The following RRM1 variants were observed in gnomAD, a reference collection of about 807,000 sequenced individuals.
The protein encoded by RRM1 is ribonucleoside-diphosphate reductase large subunit.
A neutral mutation model predicts 101.5 loss-of-function variants in RRM1; 19 were observed. The observed-to-expected ratio is 0.19, with a 90% CI of 0.13 to 0.27. The LOEUF (loss-of-function observed/expected upper bound fraction) is 0.27, where lower values mean the gene tolerates loss of function less well. Ranked by LOEUF, RRM1 falls within the 10% of genes least tolerant of loss-of-function variation. The probability of loss-of-function intolerance (pLI) is 1.00; values close to 1 mark genes in which losing one functional copy is unlikely to be tolerated. For missense variants in RRM1, 500 were observed against 962.9 expected (o/e 0.52, Z 6.36); for synonymous variants, 298 against 323.4 (o/e 0.92, Z 0.84).
At position 4,106,075 on chromosome 11, in the gene RRM1, C is replaced by T; in HGVS notation, c.138C>T (p.Gly46=). 1 of 1,613,638 alleles carries T rather than the reference C, an allele frequency of 6.2e-7. No individual in the cohort carries two copies. Among genetic ancestry groups the T allele is most frequent in the Non-Finnish European group, 8.5e-7 (1 of 1,179,840 alleles). Residue 46 remains glycine (G), a synonymous_variant, in exon 3 of 19, where the codon GGC becomes GGT. Transcript: ENST00000300738. ...AGATCACCATGAAAGTAATCCAAGGCTTGTACAGTGGGGTCACCACAGTGG... is the reference window on the plus strand; with the variant it reads ...AGATCACCATGAAAGTAATCCAAGGTTTGTACAGTGGGGTCACCACAGTGG... ...PAQITMKVIQ[G]LYSGVTTVEL...
chr11:4,096,491 A>AGGT (rs1263550388), intron 1 of RRM1, among the ~76,000 whole-genome samples: 1 of 152,244 alleles, frequency 6.6e-6, no homozygotes, highest in Non-Finnish European at 1.5e-5. Context: ...AGAGTTGGAA[A>AGGT]GGTGGACAGT....
chr11:4,096,583 A>G (rs2094543809), intron 1 of RRM1, among the ~76,000 whole-genome samples: 1 of 152,220 alleles, frequency 6.6e-6, no homozygotes, highest in Non-Finnish European at 1.5e-5. Context: ...CCAAAGAGCA[A>G]AATAACATAG....
chr11:4,113,279 C>T (rs1057282703), intron 7 of RRM1, among the ~76,000 whole-genome samples: 1 of 152,108 alleles, frequency 6.6e-6, no homozygotes, highest in Admixed American at 6.6e-5. Flanking sequence ...AAAATAACTT[C>T]CTTAATTTGG....
chr11:4,135,073 C>T lies in RRM1; in HGVS notation c.2002-9C>T, dbSNP rs372011410. ...GGAGTAAAGTAAACATTGGGTTTTC[C>T]TTCTTTAGAGCATACCAGAAATTCC... On this transcript the variant is annotated splice_polypyrimidine_tract_variant and intron_variant, in intron 17 of 18. Transcript: ENST00000300738. The T allele has an allele frequency of 7.8e-5, 124 of 1,587,642 alleles. No homozygotes were observed. Among genetic ancestry groups the T allele is most frequent in the Non-Finnish European group, 1.0e-4 (120 of 1,163,830 alleles).
At chr11:4,135,008 G>A (rs2094606644) in intron 17 of RRM1, 74 bp from the exon 18 acceptor site, 1 of 1,110,502 alleles carries the variant, frequency 9.0e-7, no homozygotes, top group Non-Finnish European at 1.3e-6. Context: ...ATCAAAGCTT[G>A]TGTCACTATT....
intron 3 of RRM1, among the ~76,000 whole-genome samples, chr11:4,106,600 T>A (rs1405646333): frequency 1.3e-5 from 2 of 151,862 alleles, no homozygotes; most frequent in Admixed American, 6.6e-5. Flanking sequence ...TACAAAAAAT[T>A]AGCTGGGCGT....
At chr11:4,127,909 G>T (rs890708559) in intron 14 of RRM1, among the ~76,000 whole-genome samples, 1 of 152,128 alleles carries the variant, frequency 6.6e-6, no homozygotes, top group Non-Finnish European at 1.5e-5. Context: ...GCTTAGCTGG[G>T]CCTTCTTTTC....
chr11:4,101,800 T>C (rs2094551796), intron 1 of RRM1, 193 bp from the exon 2 acceptor site: 5 of 566,504 alleles, frequency 8.8e-6, no homozygotes, highest in African/African-American at 5.7e-5. Context: ...CTGTATAGAA[T>C]TCATACTCTT....
intron 5 of RRM1, 101 bp from the exon 6 acceptor site, chr11:4,111,500 A>G: frequency 7.6e-6 from 5 of 654,002 alleles, no homozygotes; most frequent in Non-Finnish European, 1.3e-5. Flanking sequence ...ATTTTATAGA[A>G]ACGGCGAAGA....
intron 14 of RRM1, among the ~76,000 whole-genome samples, chr11:4,127,866 T>C (rs2094592398): frequency 6.6e-6 from 1 of 152,362 alleles, no homozygotes; most frequent in Admixed American, 6.5e-5. Context: ...ATTCGTTATC[T>C]CACAGTTTCC....
intron 18 of RRM1, among the ~76,000 whole-genome samples, chr11:4,136,819 G>A (rs1427762454): frequency 6.6e-6 from 1 of 151,640 alleles, no homozygotes; most frequent in Non-Finnish European, 1.5e-5. Context: ...TCTCACAGAG[G>A]GGGATTTGGC....
At position 4,094,810 on chromosome 11, in the gene RRM1, T is replaced by A. The variant is rs1366647691; in HGVS notation, c.-203T>A. On this transcript the variant is annotated 5_prime_UTR_variant, in exon 1 of 19. Transcript: ENST00000300738. ...GAACCCCGTCGCGCCCCTTTGTGCGTCACGGGTGGCGGGCGCGGGAAGGGG... is the reference window on the plus strand; with the variant it reads ...GAACCCCGTCGCGCCCCTTTGTGCGACACGGGTGGCGGGCGCGGGAAGGGG... 1.6e-6 allele frequency: 1 copy of A among 608,446 alleles called. No individual in the cohort carries two copies. Among genetic ancestry groups the A allele is most frequent in the Non-Finnish European group, 3.0e-6 (1 of 338,608 alleles). The allele number at this position is 608,446 out of a possible 1,614,324, so 37.7% of individuals were successfully genotyped here. A position where few individuals can be genotyped will look rare whatever the true frequency, so the allele number is the denominator to read the frequency against.
At chr11:4,101,860 C>CCTCA in intron 1 of RRM1, 133 bp from the exon 2 acceptor site, 1 of 606,684 alleles carries the variant, frequency 1.6e-6, no homozygotes, top group Non-Finnish European at 2.9e-6. Context: ...TTTGAGGGGG[C>CCTCA]CTCAATCTTT....
At chr11:4,134,671 C>T (rs2094606029) in intron 17 of RRM1, among the ~76,000 whole-genome samples, 1 of 152,176 alleles carries the variant, frequency 6.6e-6, no homozygotes, top group South Asian at 2.1e-4. Context: ...TATCTCATTG[C>T]TTCCCTTGGT....
intron 2 of RRM1, chr11:4,105,535 G>A (rs538635058): frequency 6.7e-5 from 25 of 375,324 alleles, no homozygotes; most frequent in African/African-American, 2.9e-4. Context: ...CCAACCTGTC[G>A]TTTTTATTGT....
rs72555768 is a variant in RRM1, at chr11:4,105,931, T to A, written c.109-115T>A. 7,319 of 777,908 alleles carry A rather than the reference T, an allele frequency of 9.4e-3. 46 individuals are homozygous for A. The highest frequency in any genetic ancestry group is 0.013 in the Non-Finnish European group (5,907 of 466,518). 48.2% of individuals were successfully genotyped at this position (777,908 alleles called of 1,614,324 possible). On this transcript the variant is annotated intron_variant, in intron 2 of 18. Coordinates refer to ENST00000300738, the MANE Select transcript of RRM1 (RefSeq NM_001033.5). The stretch of plus-strand genomic sequence containing the variant: ...CTCCTCACCTCAGCCACTGAGTAGC[T>A]GGGACTATAGGCATGTACTACCACA...
chr11:4,130,457 A>G (rs976828894), intron 15 of RRM1, among the ~76,000 whole-genome samples: 8 of 152,020 alleles, frequency 5.3e-5, no homozygotes, highest in African/African-American at 1.9e-4. Context: ...GCACTTTGAG[A>G]GGCTGAGGTG....
chr11:4,098,586 T>TGGCCTAGCC (rs2094546758), intron 1 of RRM1, among the ~76,000 whole-genome samples: 2 of 152,116 alleles, frequency 1.3e-5, no homozygotes, highest in Non-Finnish European at 2.9e-5. Flanking sequence ...AAAGAAGTAA[T>TGGCCTAGCC]ATGATAAAAT....
intron 14 of RRM1, among the ~76,000 whole-genome samples, chr11:4,127,940 T>TCTTTTCTGGGTCTG (rs2094592563): frequency 6.6e-6 from 1 of 152,144 alleles, no homozygotes; most frequent in Non-Finnish European, 1.5e-5. Flanking sequence ...TTCAAGATGT[T>TCTTTTCTGGGTCTG]GGTAAGGGCT....
Sources: gnomAD v4.1 joint callset for allele counts (sites outside exome capture counted in the v4.1 genomes callset) on GRCh38, gnomAD v4.1.1 for gene constraint, MANE v1.5 for transcripts, NCBI Gene and HGNC (gene_info 2026-07-23, HGNC 2026-07-21) for gene names.